TENT5D: variants seen among roughly 807,000 people sequenced by gnomAD.
TENT5D encodes the protein terminal nucleotidyltransferase 5D.
For synonymous variants in TENT5D, 103 were observed against 100.6 expected (o/e 1.02, Z -0.15); for missense variants, 191 against 287.0 (o/e 0.67, Z 2.42).
chrX:80,406,128 G>C (rs917058665), intron 3 of TENT5D, among the ~76,000 whole-genome samples: 2 of 110,953 alleles, frequency 1.8e-5, no homozygotes, highest in African/African-American at 6.6e-5. Flanking sequence ...ACCAAAAGTA[G>C]ATAAAACCAC....
At position 80,399,153 on chromosome X, in the gene TENT5D, A is replaced by G. The variant is rs143275117; in HGVS notation, c.-141-39457A>G. ...TGTCTATTTTTGCTTTTGTTACCTG[A>G]GCTTTGGGGATCAAATGTAGAAGAT... is the stretch of plus-strand genomic sequence containing the variant. On this transcript the variant is annotated intron_variant, in intron 3 of 4. Transcript: ENST00000538312. Among the ~76,000 whole-genome samples, 565 of 111,445 alleles carry G rather than the reference A, an allele frequency of 5.1e-3. 1 individual carries two copies. The highest frequency in any genetic ancestry group is 8.8e-3 in the Non-Finnish European group (469 of 53,055).
chrX:80,392,495 C>CTTTTTTTTTTTTTTTT lies in TENT5D; in HGVS notation c.-141-46098_-141-46083dup, dbSNP rs72029455. Among the ~76,000 whole-genome samples, 13 of 24,289 alleles carry CTTTTTTTTTTTTTTTT rather than the reference C, an allele frequency of 5.4e-4. 3 individuals are homozygous for CTTTTTTTTTTTTTTTT. Among genetic ancestry groups the CTTTTTTTTTTTTTTTT allele is most frequent in the African/African-American group, 1.8e-3 (9 of 5,001 alleles). 21.1% of individuals were successfully genotyped at this position (24,289 alleles called of 115,157 possible). A position where few individuals can be genotyped will look rare whatever the true frequency, so the allele number is the denominator to read the frequency against. ...TTTATAGCTTTATTCTCATTTTATT[C>CTTTTTTTTTTTTTTTT]TTTTTTTTTTTTTTTTTTTTTTTTT... On this transcript the variant is annotated intron_variant, in intron 3 of 4. Coordinates refer to the TENT5D transcript ENST00000538312.
At chrX:80,377,542 A>G (rs1183252300) in intron 3 of TENT5D, among the ~76,000 whole-genome samples, 2 of 111,323 alleles carry the variant, frequency 1.8e-5, no homozygotes, top group African/African-American at 3.3e-5. Flanking sequence ...AGCTTCATCC[A>G]TGTCCCTACA....
At chrX:80,406,304 G>T (rs1346170466) in intron 3 of TENT5D, among the ~76,000 whole-genome samples, 1 of 110,049 alleles carries the variant, frequency 9.1e-6, no homozygotes, top group Non-Finnish European at 1.9e-5. Context: ...ATTACTCTGA[G>T]CTACGGGAGG....
chrX:80,380,935 A>G (rs1383014904), intron 3 of TENT5D, among the ~76,000 whole-genome samples: 1 of 111,664 alleles, frequency 9.0e-6, no homozygotes, highest in East Asian at 2.8e-4. Context: ...GTGTCTTTTA[A>G]TTGGGGCATT....
intron 3 of TENT5D, among the ~76,000 whole-genome samples, chrX:80,355,069 G>A (rs1334020835): frequency 1.8e-5 from 2 of 111,728 alleles, no homozygotes; most frequent in Non-Finnish European, 3.8e-5. Flanking sequence ...TTGAAGTTAA[G>A]CACCTGCTAC....
Position 80,438,730 on chromosome X carries a change from AATGTAAGT to A in TENT5D, c.-19+2_-19+9del, listed in dbSNP as rs1356353107. 3 of 110,571 alleles carry A rather than the reference AATGTAAGT, an allele frequency of 2.7e-5. No individual in the cohort carries two copies. Among genetic ancestry groups the A allele is most frequent in the African/African-American group, 9.8e-5 (3 of 30,563 alleles). 9.1% of individuals were successfully genotyped at this position (110,571 alleles called of 1,213,427 possible). ...TTGCATTCTTGAAAGCAATCCTTTCAATGTAAGTATGATGTCTTTTCTCACTGTCTTTG... is the reference window on the plus strand; with the variant it reads ...TTGCATTCTTGAAAGCAATCCTTTCAATGATGTCTTTTCTCACTGTCTTTG... On this transcript the variant is annotated splice_donor_variant and splice_donor_5th_base_variant and 5_prime_UTR_variant and intron_variant, in exon 2 of 3. Coordinates refer to ENST00000308293, the Ensembl canonical transcript of TENT5D. LOFTEE classifies it low-confidence loss of function (5UTR_SPLICE).
rs776453183 is a variant in TENT5D, at chrX:80,365,247, TGAG to T, written c.-142+22684_-142+22686del. 4.6e-3 allele frequency among the ~76,000 whole-genome samples: 515 copies of T among 111,859 alleles called. 2 individuals carry two copies. The highest frequency in any genetic ancestry group is 7.2e-3 in the Non-Finnish European group (384 of 53,206). ...ATTATACTTTATACTTAAAATTTTGTGAGATCAGGAAAAAATTGTAAGGAATTA... is the reference window on the plus strand; with the variant it reads ...ATTATACTTTATACTTAAAATTTTGTATCAGGAAAAAATTGTAAGGAATTA... On this transcript the variant is annotated intron_variant, in intron 3 of 4. Transcript: ENST00000538312.
chrX:80,405,978 C>A (rs1210881355), intron 3 of TENT5D, among the ~76,000 whole-genome samples: 3 of 108,847 alleles, frequency 2.8e-5, no homozygotes, highest in African/African-American at 6.7e-5. Context: ...AGGCACCCCC[C>A]AGCAGGGGCA....
intron 3 of TENT5D, among the ~76,000 whole-genome samples, chrX:80,408,089 C>T (rs1307595595): frequency 2.7e-5 from 3 of 109,296 alleles, no homozygotes; most frequent in Non-Finnish European, 5.7e-5. Context: ...ATCTCTGGGA[C>T]ACATTCAAAG....
At chrX:80,408,130 A>G (rs1194089845) in intron 3 of TENT5D, among the ~76,000 whole-genome samples, 1 of 109,663 alleles carries the variant, frequency 9.1e-6, no homozygotes, top group African/African-American at 3.3e-5. Flanking sequence ...GTAGCACTAA[A>G]TGCCCACAGG....
At chrX:80,359,947 A>T (rs1007842270) in intron 3 of TENT5D, among the ~76,000 whole-genome samples, 12 of 111,741 alleles carry the variant, frequency 1.1e-4, no homozygotes, top group Admixed American at 1.1e-3. Context: ...TGGTAAAACC[A>T]CTACAAATCA....
At chrX:80,416,369 C>G (rs1040356545), upstream of TENT5D, among the ~76,000 whole-genome samples, 3 of 93,589 alleles carry the variant, frequency 3.2e-5, no homozygotes, top group African/African-American at 1.2e-4. Context: ...TATTTTTCCT[C>G]TTTACGTTAT....
intron 3 of TENT5D, among the ~76,000 whole-genome samples, chrX:80,358,148 T>A (rs1930327315): frequency 9.0e-6 from 1 of 111,681 alleles, no homozygotes; most frequent in Non-Finnish European, 1.9e-5. Flanking sequence ...TCCTTACACC[T>A]TATACAAAAA....
intron 3 of TENT5D, among the ~76,000 whole-genome samples, chrX:80,373,641 C>A (rs1413936338): frequency 9.0e-6 from 1 of 110,737 alleles, no homozygotes; most frequent in Non-Finnish European, 1.9e-5. Flanking sequence ...ATATCTATTC[C>A]TCTTGGTTAA....
At chrX:80,403,359 A>T (rs772771910) in intron 3 of TENT5D, among the ~76,000 whole-genome samples, 22 of 112,089 alleles carry the variant, frequency 2.0e-4, no homozygotes, top group Non-Finnish European at 3.2e-4. Context: ...ACCTGATAAC[A>T]TGCTATTATT....
chrX:80,413,453 T>C (rs752609250), intron 3 of TENT5D, among the ~76,000 whole-genome samples: 2 of 111,856 alleles, frequency 1.8e-5, no homozygotes, highest in East Asian at 5.6e-4. Flanking sequence ...GGTTTGGCTT[T>C]GTCTCCACCC....
chrX:80,426,113 C>A (rs2147562065), intron 1 of TENT5D, among the ~76,000 whole-genome samples: 1 of 111,062 alleles, frequency 9.0e-6, no homozygotes, highest in South Asian at 3.8e-4. Flanking sequence ...TGTATTTAAA[C>A]ATCTTTAATA....
chrX:80,358,022 C>G (rs1023937808), intron 3 of TENT5D, among the ~76,000 whole-genome samples: 2 of 111,496 alleles, frequency 1.8e-5, no homozygotes, highest in African/African-American at 6.5e-5. Context: ...ATATCTTCAA[C>G]TATCTGATCT....
Sources: allele counts gnomAD v4.1 joint callset (sites outside exome capture counted in the v4.1 genomes callset), GRCh38; gene constraint gnomAD v4.1.1; transcripts MANE v1.5; gene names NCBI Gene and HGNC (gene_info 2026-07-23, HGNC 2026-07-21).